The following KCND2 variants were observed in gnomAD, a reference collection of about 807,000 sequenced individuals.
KCND2 encodes the protein A-type voltage-gated potassium channel KCND2.
A neutral mutation model predicts 54.4 loss-of-function variants in KCND2; 16 were observed. That is an observed-to-expected ratio of 0.29 (90% CI 0.20 to 0.45). The LOEUF (loss-of-function observed/expected upper bound fraction) is 0.45, where lower values mean the gene tolerates loss of function less well. Ranked by LOEUF, KCND2 falls within the 20% of genes least tolerant of loss-of-function variation. The pLI is 1.00. For missense variants in KCND2, 486 were observed against 824.2 expected (o/e 0.59, Z 5.02); for synonymous variants, 317 against 310.7 (o/e 1.02, Z -0.21).
chr7:120,351,873 C>G (rs1024799752), intron 1 of KCND2, among the ~76,000 whole-genome samples: 1 of 151,146 alleles, frequency 6.6e-6, no homozygotes, highest in Non-Finnish European at 1.5e-5. Context: ...TGCAGTGGCA[C>G]GATCTCAGCT....
At chr7:120,745,655 T>C in intron 4 of KCND2, 125 bp from the exon 5 acceptor site, 1 of 979,978 alleles carries the variant, frequency 1.0e-6, no homozygotes, top group Admixed American at 2.2e-5. Flanking sequence ...GAAAATGGTT[T>C]TATTTAACCA....
At chr7:120,572,102 A>T (rs1220000990) in intron 1 of KCND2, among the ~76,000 whole-genome samples, 1 of 151,498 alleles carries the variant, frequency 6.6e-6, no homozygotes, top group East Asian at 1.9e-4. Flanking sequence ...GATTGCCTTG[A>T]TCCTTGCCAT....
chr7:120,546,831 A>G (rs1251415469), intron 1 of KCND2, among the ~76,000 whole-genome samples: 1 of 151,886 alleles, frequency 6.6e-6, no homozygotes, highest in Non-Finnish European at 1.5e-5. Flanking sequence ...GAAATTATTC[A>G]CTCTACACAT....
intron 1 of KCND2, among the ~76,000 whole-genome samples, chr7:120,439,243 T>A (rs928796724): frequency 6.6e-6 from 1 of 152,054 alleles, no homozygotes; most frequent in Admixed American, 6.6e-5. Flanking sequence ...CCAATTAAAC[T>A]AGGATTTAAA....
chr7:120,524,112 G>A (rs1584812794), intron 1 of KCND2, among the ~76,000 whole-genome samples: 1 of 152,052 alleles, frequency 6.6e-6, no homozygotes, highest in East Asian at 1.9e-4. Context: ...GGATGTGCCT[G>A]TAATCTCAGC....
intron 1 of KCND2, among the ~76,000 whole-genome samples, chr7:120,557,698 G>A (rs1010837556): frequency 1.3e-5 from 2 of 151,986 alleles, no homozygotes; most frequent in African/African-American, 4.8e-5. Flanking sequence ...TTGATTTACA[G>A]GTCTCTCCAT....
chr7:120,636,167 A>G (rs553055694), intron 1 of KCND2, among the ~76,000 whole-genome samples: 37 of 152,230 alleles, frequency 2.4e-4, no homozygotes, highest in African/African-American at 8.9e-4. Context: ...TAGTTAACAT[A>G]TATATTGTGA....
intron 1 of KCND2, among the ~76,000 whole-genome samples, chr7:120,280,985 A>T (rs1231062621): frequency 6.6e-6 from 1 of 152,134 alleles, no homozygotes; most frequent in East Asian, 1.9e-4. Flanking sequence ...GGGGTTTATC[A>T]TAATGGTGCC....
At chr7:120,725,553 T>TA (rs778871887) in intron 1 of KCND2, among the ~76,000 whole-genome samples, 37 of 152,196 alleles carry the variant, frequency 2.4e-4, no homozygotes, top group Non-Finnish European at 4.6e-4. Context: ...TTACTGGAAA[T>TA]ACTTTTCTCG....
In KCND2 at chr7:120,611,286, T is replaced by C. The variant is rs538952989; in HGVS notation, c.1116-121617T>C. Among the ~76,000 whole-genome samples, 3 of 152,366 alleles carry C rather than the reference T, an allele frequency of 2.0e-5. No homozygotes were observed. The South Asian group carries it at 6.2e-4, about 32-fold the overall frequency. The stretch of plus-strand genomic sequence containing the variant: ...TTTAAAAATGTGAAGCCACAAACAC[T>C]TTTGTTATAAATTCAAAACTTTGTG... On this transcript the variant is annotated intron_variant, in intron 1 of 5. Transcript: ENST00000331113.
chr7:120,409,576 A>G (rs1343793166), intron 1 of KCND2, among the ~76,000 whole-genome samples: 1 of 151,906 alleles, frequency 6.6e-6, no homozygotes, highest in Non-Finnish European at 1.5e-5. Flanking sequence ...CAACTTTTGT[A>G]CTTTGAGTCT....
chr7:120,576,642 G>C (rs1792438021), intron 1 of KCND2, among the ~76,000 whole-genome samples: 1 of 151,454 alleles, frequency 6.6e-6, no homozygotes, highest in Non-Finnish European at 1.5e-5. Flanking sequence ...AGTTGTATGA[G>C]TGAATGAAGG....
intron 1 of KCND2, among the ~76,000 whole-genome samples, chr7:120,721,038 A>G (rs1421525717): frequency 6.6e-6 from 1 of 152,190 alleles, no homozygotes; most frequent in Non-Finnish European, 1.5e-5. Context: ...TTCTAGTATC[A>G]ACATATTTTC....
chr7:120,668,113 T>A (rs1791949725), intron 1 of KCND2, among the ~76,000 whole-genome samples: 1 of 152,040 alleles, frequency 6.6e-6, no homozygotes, highest in Admixed American at 6.5e-5. Flanking sequence ...AATGGCTTAC[T>A]AGAGAAAAAA....
chr7:120,741,657 A>C, intron 3 of KCND2, 28 bp downstream of exon 3: 1 of 1,473,582 alleles, frequency 6.8e-7, no homozygotes, highest in African/African-American at 1.4e-5. Context: ...TCTTTTTTTA[A>C]TGTTCAATTT....
intron 1 of KCND2, among the ~76,000 whole-genome samples, chr7:120,694,239 T>C (rs147399903): frequency 1.6e-3 from 247 of 152,310 alleles, no homozygotes; most frequent in Middle Eastern, 6.8e-3. Context: ...CTGTTTCTTA[T>C]CAACACACTT....
chr7:120,493,092 G>C (rs1167647027), intron 1 of KCND2, among the ~76,000 whole-genome samples: 1 of 151,666 alleles, frequency 6.6e-6, no homozygotes, highest in Non-Finnish European at 1.5e-5. Context: ...AATGCCTTGG[G>C]GGCTTAGAAT....
At chr7:120,519,845 A>G (rs1249456321) in intron 1 of KCND2, among the ~76,000 whole-genome samples, 1 of 152,132 alleles carries the variant, frequency 6.6e-6, no homozygotes, top group Non-Finnish European at 1.5e-5. Flanking sequence ...CATTTGCTTC[A>G]TATTTATTTA....
chr7:120,321,012 T>A (rs1799887269), intron 1 of KCND2, among the ~76,000 whole-genome samples: 1 of 152,138 alleles, frequency 6.6e-6, no homozygotes, highest in Non-Finnish European at 1.5e-5. Flanking sequence ...GAAGTGAGTG[T>A]TTGACAGTGC....
Sources: allele counts gnomAD v4.1 joint callset (sites outside exome capture counted in the v4.1 genomes callset), GRCh38; gene constraint gnomAD v4.1.1; transcripts MANE v1.5; gene names NCBI Gene and HGNC (gene_info 2026-07-23, HGNC 2026-07-21).